SYNPO2: variants seen among roughly 807,000 people sequenced by gnomAD.
SYNPO2 encodes synaptopodin 2.
In SYNPO2, 56 loss-of-function variants were observed where a neutral mutation model predicts 85.0. The observed-to-expected ratio is 0.66, with a 90% confidence interval of 0.53 to 0.82. The LOEUF is 0.82. Ranked by LOEUF, SYNPO2 falls within the 40% of genes least tolerant of loss-of-function variation. The pLI is 0.00. For missense variants in SYNPO2, 1,575 were observed against 1,534.2 expected (o/e 1.03, Z -0.44); for synonymous variants, 602 against 591.1 (o/e 1.02, Z -0.27).
intron 1 of SYNPO2, among the ~76,000 whole-genome samples, chr4:118,910,106 G>A (rs1342649189): frequency 6.6e-6 from 1 of 152,108 alleles, no homozygotes; most frequent in Non-Finnish European, 1.5e-5. Flanking sequence ...CTTCTGGGTT[G>A]TTGTGTTCAA....
chr4:119,054,133 T>G (rs1739136291), intron 4 of SYNPO2, among the ~76,000 whole-genome samples: 1 of 152,136 alleles, frequency 6.6e-6, no homozygotes, highest in African/African-American at 2.4e-5. Flanking sequence ...AGTGAGTGAG[T>G]GTGGGATCTG....
chr4:119,040,972 C>T (rs181030455), intron 4 of SYNPO2, among the ~76,000 whole-genome samples: 1 of 152,332 alleles, frequency 6.6e-6, no homozygotes, highest in African/African-American at 2.4e-5. Flanking sequence ...AAACCTCGGC[C>T]TGAACAGAGC....
At position 119,035,689 on chromosome 4, in the gene SYNPO2, A is replaced by T. The variant is rs1235276408; in HGVS notation, c.3252+3662A>T. On this transcript the variant is annotated intron_variant, in intron 4 of 4. Coordinates refer to ENST00000307142, the MANE Select transcript of SYNPO2 (RefSeq NM_133477.3). ...ATCTGAGCTACAAATAGTTCTTTAA[A>T]ATAAGCCCAGGTTATTTAGCTATTC... The T allele has an allele frequency of 7.1e-6, 7 of 985,376 alleles. No homozygotes were observed. In the East Asian group the frequency reaches 7.9e-4, roughly 112 times the overall value. The allele number at this position is 985,376 out of a possible 1,614,324, so 61.0% of individuals were successfully genotyped here.
intron 1 of SYNPO2, among the ~76,000 whole-genome samples, chr4:118,973,376 A>T (rs1016759905): frequency 4.6e-5 from 7 of 151,970 alleles, no homozygotes; most frequent in Admixed American, 3.3e-4. Context: ...GTGTGTGCAC[A>T]CAGAGGTCAG....
intron 4 of SYNPO2, chr4:119,036,483 ATTC>A: frequency 1.0e-6 from 1 of 985,434 alleles, no homozygotes; most frequent in Non-Finnish European, 1.2e-6. Flanking sequence ...GCAGAATTGA[ATTC>A]TTCTCTAGAT....
intron 4 of SYNPO2, among the ~76,000 whole-genome samples, chr4:119,039,633 C>T (rs762880856): frequency 9.2e-5 from 14 of 152,232 alleles, no homozygotes; most frequent in Non-Finnish European, 1.6e-4. Context: ...CTAGACCACA[C>T]GCCTCAAACA....
chr4:119,059,190 G>A lies in SYNPO2; in HGVS notation c.*1256G>A, dbSNP rs1214327619. The stretch of plus-strand genomic sequence containing the variant: ...AAGGTCCTAAAAGGAATTGTTAGGC[G>A]GCAGGCTTTGTGTTACGTGTTACAT... On this transcript the variant is annotated 3_prime_UTR_variant, in exon 5 of 5. Transcript: ENST00000307142. The A allele has an allele frequency of 6.6e-6, 1 of 152,196 alleles. No individual in the cohort carries two copies. The highest frequency in any genetic ancestry group is 2.4e-5 in the African/African-American group (1 of 41,458). 9.4% of individuals were successfully genotyped at this position (152,196 alleles called of 1,614,324 possible). A position where few individuals can be genotyped will look rare whatever the true frequency, so the allele number is the denominator to read the frequency against.
At chr4:118,946,333 G>T (rs867619178) in intron 1 of SYNPO2, among the ~76,000 whole-genome samples, 1 of 152,170 alleles carries the variant, frequency 6.6e-6, no homozygotes, top group Non-Finnish European at 1.5e-5. Flanking sequence ...AGTAAGGAAG[G>T]CATCCGTTAA....
At chr4:118,896,950 C>A in intron 1 of SYNPO2, among the ~76,000 whole-genome samples, 1 of 141,536 alleles carries the variant, frequency 7.1e-6, no homozygotes, top group Non-Finnish European at 1.6e-5. Context: ...AGTGTGGGTG[C>A]TGGATTGATA....
intron 1 of SYNPO2, among the ~76,000 whole-genome samples, chr4:118,936,669 C>G (rs1038608469): frequency 2.6e-5 from 4 of 152,130 alleles, no homozygotes; most frequent in Admixed American, 6.6e-5. Flanking sequence ...GGGTAGACAG[C>G]TGTCTTCCAT....
chr4:118,882,724 C>T (rs896296393), intron 1 of SYNPO2, among the ~76,000 whole-genome samples: 1 of 151,656 alleles, frequency 6.6e-6, no homozygotes, highest in Non-Finnish European at 1.5e-5. Context: ...TTGAGCCATT[C>T]AAACCACACT....
Position 119,057,770 on chromosome 4 carries a change from T to C in SYNPO2, c.3622T>C (p.Ser1208Pro). Residue 1208 changes from serine to proline, a missense_variant, in exon 5 of 5, where the codon TCC (serine) becomes CCC (proline). By Grantham distance (74) the Ser-to-Pro change is moderately conservative. Transcript: ENST00000307142. The stretch of plus-strand genomic sequence containing the variant: ...TAATGTCACAGCCAATAATAATATG[T>C]CCACCACCTCCCAATATGGTTCACA... ...EYNVTANNNM[S>P]TTSQYGSQLP... The C allele has an allele frequency of 6.2e-7, 1 of 1,614,090 alleles. No individual in the cohort carries two copies. Among genetic ancestry groups the C allele is most frequent in the South Asian group, 1.1e-5 (1 of 91,076 alleles).
intron 1 of SYNPO2, among the ~76,000 whole-genome samples, chr4:118,889,479 T>C (rs770234147): frequency 2.6e-5 from 4 of 152,186 alleles, no homozygotes; most frequent in African/African-American, 4.8e-5. Context: ...AGTTGAGTTA[T>C]TGTTTGATGT....
chr4:119,011,420 T>G (rs1737296835), intron 1 of SYNPO2, among the ~76,000 whole-genome samples: 1 of 152,214 alleles, frequency 6.6e-6, no homozygotes, highest in African/African-American at 2.4e-5. Context: ...ATACAGTGAT[T>G]GGCAGGAGCA....
At chr4:118,930,513 C>T (rs1282225969) in intron 1 of SYNPO2, among the ~76,000 whole-genome samples, 4 of 152,044 alleles carry the variant, frequency 2.6e-5, no homozygotes, top group African/African-American at 9.7e-5. Flanking sequence ...AGGGTTTTTC[C>T]TATTTGCAGC....
intron 4 of SYNPO2, among the ~76,000 whole-genome samples, chr4:119,050,957 A>C (rs1739019215): frequency 6.6e-6 from 1 of 152,222 alleles, no homozygotes; most frequent in Admixed American, 6.5e-5. Flanking sequence ...TTATACCTGC[A>C]TTAGCCTTGC....
rs114901134 is a variant in SYNPO2, at chr4:118,986,503, G to A, written c.106-36927G>A. 4.6e-3 allele frequency among the ~76,000 whole-genome samples: 703 copies of A among 152,252 alleles called. 3 individuals carry two copies. The highest frequency in any genetic ancestry group is 0.01 in the Middle Eastern group (3 of 294). On this transcript the variant is annotated intron_variant, in intron 1 of 4. Coordinates refer to ENST00000307142, the MANE Select transcript of SYNPO2 (RefSeq NM_133477.3). Reference sequence around the variant, plus strand: ...TTCATGTGGTTTTCAAAGTAGCCCCGAAACTCGACCTTCATCTCAATTGGC... The same window carrying A: ...TTCATGTGGTTTTCAAAGTAGCCCCAAAACTCGACCTTCATCTCAATTGGC...
At chr4:118,936,515 A>G (rs1264291879) in intron 1 of SYNPO2, among the ~76,000 whole-genome samples, 5 of 152,146 alleles carry the variant, frequency 3.3e-5, no homozygotes, top group Non-Finnish European at 5.9e-5. Flanking sequence ...GGCCGTGTTC[A>G]GATACTATTC....
intron 1 of SYNPO2, among the ~76,000 whole-genome samples, chr4:118,882,439 A>AT (rs1732121903): frequency 6.6e-6 from 1 of 152,236 alleles, no homozygotes; most frequent in African/African-American, 2.4e-5. Context: ...TGCGATATTT[A>AT]TTAAAAAACA....
Sources: gnomAD v4.1 joint callset for allele counts (sites outside exome capture counted in the v4.1 genomes callset) on GRCh38, gnomAD v4.1.1 for gene constraint, MANE v1.5 for transcripts, NCBI Gene and HGNC (gene_info 2026-07-23, HGNC 2026-07-21) for gene names.